The following WDR72 variants were observed in gnomAD, a reference collection of about 807,000 sequenced individuals.
WDR72 encodes the protein WD repeat domain 72.
Under a neutral mutation model 124.2 loss-of-function variants are expected in WDR72, and 120 were observed. The ratio of observed to expected loss-of-function variants is 0.97; its 90% CI spans 0.83 to 1.12. The LOEUF (loss-of-function observed/expected upper bound fraction) is 1.12, where lower values mean the gene tolerates loss of function less well. WDR72 is among the 50% of genes most tolerant of loss of function. WDR72 has a pLI of 0.00. For missense variants in WDR72, 1,387 were observed against 1,278.8 expected, an observed-to-expected ratio of 1.08 and a Z score of -1.29; for synonymous variants, 452 against 441.7, an observed-to-expected ratio of 1.02 and a Z score of -0.29.
At chr15:53,576,197 C>A (rs1894749968) in intron 18 of WDR72, among the ~76,000 whole-genome samples, 1 of 152,056 alleles carries the variant, frequency 6.6e-6, no homozygotes, top group South Asian at 2.1e-4. Context: ...CCCCATCTAG[C>A]CCTTTTTAGG....
intron 3 of WDR72, among the ~76,000 whole-genome samples, chr15:53,717,988 A>G (rs2017760826): frequency 6.6e-6 from 1 of 152,142 alleles, no homozygotes; most frequent in South Asian, 2.1e-4. Context: ...TCAAAGGGAA[A>G]CAAACTAATA....
intron 17 of WDR72, among the ~76,000 whole-genome samples, chr15:53,607,147 G>A (rs2013321033): frequency 6.6e-6 from 1 of 152,018 alleles, no homozygotes; most frequent in African/African-American, 2.4e-5. Context: ...CAAAGGTACT[G>A]CTAAAATTTT....
intron 13 of WDR72, among the ~76,000 whole-genome samples, chr15:53,694,825 G>C (rs2016952952): frequency 6.6e-6 from 1 of 152,148 alleles, no homozygotes; most frequent in South Asian, 2.1e-4. Context: ...ATTGCTTTAA[G>C]AATGAGTTAT....
At chr15:53,656,319 C>T (rs766120045) in intron 14 of WDR72, among the ~76,000 whole-genome samples, 6 of 152,018 alleles carry the variant, frequency 3.9e-5, no homozygotes, top group African/African-American at 9.7e-5. Flanking sequence ...CAGGGCATCA[C>T]TATTAAAACA....
intron 18 of WDR72, among the ~76,000 whole-genome samples, chr15:53,584,557 A>C (rs1170632881): frequency 6.6e-6 from 1 of 152,034 alleles, no homozygotes. Context: ...TAAAACACTA[A>C]ATAGATACTT....
At position 53,515,086 on chromosome 15, in the gene WDR72, T is replaced by TGTATATACAC. The variant is rs34023014; in HGVS notation, c.*2612_*2613insGTGTATATAC. 2 of 87,204 alleles carry TGTATATACAC rather than the reference T, an allele frequency of 2.3e-5. No individual in the cohort carries two copies. The highest frequency in any genetic ancestry group is 3.6e-5 in the African/African-American group (1 of 27,502). The allele number at this position is 87,204 out of a possible 1,614,324, so 5.4% of individuals were successfully genotyped here. On this transcript the variant is annotated 3_prime_UTR_variant, in exon 20 of 20. Transcript: ENST00000360509. ...ATATACACACATATATATGTATGTA[T>TGTATATACAC]ACACACACACACACACACACAAATA...
chr15:53,597,221 CTT>C lies in WDR72; in HGVS notation c.3004_3005del (p.Lys1002GlufsTer9). On this transcript the variant is annotated frameshift_variant, in exon 18 of 20. Transcript: ENST00000360509. LOFTEE classifies it high-confidence loss of function. ...VLLAEVQQHM[K>X]SLGKIPVNSQ... ...TATTGACGGGTATCTTTCCCAAACT[CTT>C]CATGTGTTGTTGAACTTCCGCCAAG... The C allele has an allele frequency of 1.9e-6, 3 of 1,613,848 alleles. No homozygotes were observed. The highest frequency in any genetic ancestry group is 2.5e-6 in the Non-Finnish European group (3 of 1,179,850).
intron 18 of WDR72, among the ~76,000 whole-genome samples, chr15:53,567,676 C>T (rs374848594): frequency 2.6e-5 from 4 of 152,016 alleles, no homozygotes; most frequent in East Asian, 3.9e-4. Context: ...GACCAAACTA[C>T]AGAATCTAAA....
At chr15:53,713,094 A>C (rs1202735145) in intron 6 of WDR72, among the ~76,000 whole-genome samples, 1 of 151,976 alleles carries the variant, frequency 6.6e-6, no homozygotes, top group African/African-American at 2.4e-5. Flanking sequence ...CTGTACACCC[A>C]ACCCCCACAA....
intron 2 of WDR72, among the ~76,000 whole-genome samples, chr15:53,728,225 T>C (rs2018099540): frequency 6.6e-6 from 1 of 152,164 alleles, no homozygotes; most frequent in African/African-American, 2.4e-5. Flanking sequence ...AGAGAGATAT[T>C]GGCAGGGAAA....
In WDR72 at chr15:53,650,821, C is replaced by G. The variant is rs556620220; in HGVS notation, c.1962+14751G>C. On this transcript the variant is annotated intron_variant, in intron 14 of 19. Coordinates refer to ENST00000360509, the MANE Select transcript of WDR72 (RefSeq NM_182758.4). ...CAAAACAAAACAAAACAAACACCAGCTAACAATTTCTTTCTCTTGCTTCAA... is the reference window on the plus strand; with the variant it reads ...CAAAACAAAACAAAACAAACACCAGGTAACAATTTCTTTCTCTTGCTTCAA... 2.7e-5 allele frequency among the ~76,000 whole-genome samples: 4 copies of G among 150,344 alleles called. No individual in the cohort carries two copies. In the East Asian group the frequency reaches 7.8e-4, roughly 29 times the overall value.
At chr15:53,597,389 C>G in intron 17 of WDR72, 115 bp from the exon 18 acceptor site, 1 of 988,672 alleles carries the variant, frequency 1.0e-6, no homozygotes, top group Non-Finnish European at 1.5e-6. Context: ...TAAACGATAA[C>G]TTTTCATACT....
intron 1 of WDR72, among the ~76,000 whole-genome samples, chr15:53,758,366 TTTGGAACTCAATATA>T (rs1377606811): frequency 1.3e-5 from 2 of 152,250 alleles, no homozygotes; most frequent in East Asian, 3.9e-4. Flanking sequence ...AAGTGAAAGC[TTTGGAACTCAATATA>T]AAATATTAAT....
At chr15:53,616,315 T>A in intron 14 of WDR72, 72 bp from the exon 15 acceptor site, 2 of 1,365,840 alleles carry the variant, frequency 1.5e-6, no homozygotes, top group East Asian at 4.8e-5. Flanking sequence ...GATGTTAAAG[T>A]GGCATTTTTA....
chr15:53,599,093 C>A (rs757730466), intron 17 of WDR72, among the ~76,000 whole-genome samples: 2 of 151,796 alleles, frequency 1.3e-5, no homozygotes, highest in African/African-American at 4.8e-5. Flanking sequence ...CCCTGCACTC[C>A]GGCCTGGATG....
At chr15:53,536,338 C>G (rs1168670422) in intron 18 of WDR72, among the ~76,000 whole-genome samples, 1 of 152,188 alleles carries the variant, frequency 6.6e-6, no homozygotes, top group African/African-American at 2.4e-5. Flanking sequence ...AGTAGAACTA[C>G]AGCTGGTAGT....
At chr15:53,525,278 T>C (rs184536317) in intron 18 of WDR72, among the ~76,000 whole-genome samples, 6 of 152,196 alleles carry the variant, frequency 3.9e-5, no homozygotes, top group Admixed American at 3.3e-4. Context: ...TTTATCTCTA[T>C]ATATCTTTCT....
intron 14 of WDR72, among the ~76,000 whole-genome samples, chr15:53,660,536 T>A (rs896120549): frequency 6.6e-6 from 1 of 152,130 alleles, no homozygotes; most frequent in Admixed American, 6.6e-5. Context: ...ATAAAAATTT[T>A]CAGCAAATGG....
At chr15:53,734,215 T>A (rs2140617318) in intron 1 of WDR72, among the ~76,000 whole-genome samples, 1 of 152,274 alleles carries the variant, frequency 6.6e-6, no homozygotes, top group African/African-American at 2.4e-5. Context: ...GAACACAAAT[T>A]TTCCTTGTAG....
Sources: gnomAD v4.1 joint callset for allele counts (sites outside exome capture counted in the v4.1 genomes callset) on GRCh38, gnomAD v4.1.1 for gene constraint, MANE v1.5 for transcripts, NCBI Gene and HGNC (gene_info 2026-07-23, HGNC 2026-07-21) for gene names.